COP1: variants seen among roughly 807,000 people sequenced by gnomAD.
COP1 encodes the protein COP1 E3 ubiquitin ligase, also known as E3 ubiquitin-protein ligase COP1.
In COP1, 24 loss-of-function variants were observed where a neutral mutation model predicts 101.3. That is an observed-to-expected ratio of 0.24 (90% CI 0.17 to 0.33). The LOEUF is 0.33. Among genes scored for constraint, COP1 ranks in the 10% least tolerant of loss-of-function variants. The probability of loss-of-function intolerance (pLI) is 1.00; values close to 1 mark genes in which losing one functional copy is unlikely to be tolerated. For synonymous variants in COP1, 347 were observed against 341.9 expected, an observed-to-expected ratio of 1.01 and a Z score of -0.17; for missense variants, 663 against 906.2, an observed-to-expected ratio of 0.73 and a Z score of 3.45.
At chr1:176,070,510 A>C (rs1676797789) in intron 11 of COP1, among the ~76,000 whole-genome samples, 1 of 152,024 alleles carries the variant, frequency 6.6e-6, no homozygotes, top group Non-Finnish European at 1.5e-5. Context: ...AAAAATACAA[A>C]AATCAGCTGG....
chr1:176,207,196 C>T lies in COP1; in HGVS notation c.-218G>A, dbSNP rs1179169665. 7.3e-6 allele frequency: 3 copies of T among 408,678 alleles called. No individual in the cohort carries two copies. Among genetic ancestry groups the T allele is most frequent in the Non-Finnish European group, 1.3e-5 (3 of 234,510 alleles). 25.3% of individuals were successfully genotyped at this position (408,678 alleles called of 1,614,324 possible). A position where few individuals can be genotyped will look rare whatever the true frequency, so the allele number is the denominator to read the frequency against. On this transcript the variant is annotated 5_prime_UTR_variant, in exon 1 of 20. Coordinates refer to ENST00000367669, the MANE Select transcript of COP1 (RefSeq NM_022457.7). The stretch of plus-strand genomic sequence containing the variant: ...GAAACTAAAAAAGCGGAGTAGAAGG[C>T]ACTACCGCTGTCGAGGCCGCCGCCG...
At chr1:176,104,587 A>C (rs1023585717) in intron 9 of COP1, among the ~76,000 whole-genome samples, 1 of 152,166 alleles carries the variant, frequency 6.6e-6, no homozygotes, top group African/African-American at 2.4e-5. Context: ...AAGAAACACA[A>C]AACTATTCTG....
intron 1 of COP1, among the ~76,000 whole-genome samples, chr1:176,189,692 C>T (rs916184314): frequency 6.6e-6 from 1 of 151,072 alleles, no homozygotes; most frequent in Admixed American, 6.6e-5. Context: ...ATACAAAATA[C>T]ATTTATCTTT....
intron 8 of COP1, among the ~76,000 whole-genome samples, chr1:176,126,838 C>T (rs1312228431): frequency 6.6e-6 from 1 of 152,024 alleles, no homozygotes; most frequent in African/African-American, 2.4e-5. Flanking sequence ...TTATCAAGAA[C>T]CCAAGGATAT....
chr1:176,118,348 CTTTTT>C (rs551554905), intron 8 of COP1, among the ~76,000 whole-genome samples: 3 of 148,396 alleles, frequency 2.0e-5, no homozygotes, highest in Non-Finnish European at 3.0e-5. Flanking sequence ...ACACAGCAGT[CTTTTT>C]TTTTTAAGGC....
intron 3 of COP1, among the ~76,000 whole-genome samples, chr1:176,167,117 A>G (rs1349330887): frequency 6.6e-6 from 1 of 152,202 alleles, no homozygotes; most frequent in South Asian, 2.1e-4. Flanking sequence ...CAAGGTATAT[A>G]CACTGGACTC....
chr1:176,118,068 C>T lies in COP1; in HGVS notation c.969-1387G>A, dbSNP rs182629260. Among the ~76,000 whole-genome samples the T allele has an allele frequency of 3.0e-3, 455 of 152,248 alleles. 2 individuals carry two copies. Among genetic ancestry groups the T allele is most frequent in the African/African-American group, 0.01 (428 of 41,546 alleles). ...CAAAGGTTAAAGCATGGGAGGTACT[C>T]TAAGTAGTACACAGTTTGAATTTTA... On this transcript the variant is annotated intron_variant, in intron 8 of 19. Transcript: ENST00000367669.
At chr1:176,014,483 A>G (rs1665265124) in intron 15 of COP1, among the ~76,000 whole-genome samples, 1 of 152,230 alleles carries the variant, frequency 6.6e-6, no homozygotes, top group African/African-American at 2.4e-5. Context: ...ATTACCCTCA[A>G]AACAGGTGGT....
At chr1:175,988,002 A>G (rs1336163523) in intron 17 of COP1, among the ~76,000 whole-genome samples, 1 of 152,218 alleles carries the variant, frequency 6.6e-6, no homozygotes, top group Non-Finnish European at 1.5e-5. Flanking sequence ...CTTCTACACA[A>G]TATCTAAAGA....
intron 11 of COP1, among the ~76,000 whole-genome samples, chr1:176,069,078 C>T (rs1480904239): frequency 3.3e-5 from 5 of 151,832 alleles, no homozygotes; most frequent in African/African-American, 1.2e-4. Flanking sequence ...GTCCTAGCCA[C>T]AGGGGCTGAG....
intron 1 of COP1, among the ~76,000 whole-genome samples, chr1:176,188,764 CCTG>C (rs766991641): frequency 2.0e-5 from 3 of 151,998 alleles, no homozygotes; most frequent in Non-Finnish European, 2.9e-5. Context: ...CCTCCACCAA[CCTG>C]CTATTTCCCC....
At chr1:175,971,902 C>T (rs1339296209) in intron 18 of COP1, among the ~76,000 whole-genome samples, 1 of 152,068 alleles carries the variant, frequency 6.6e-6, no homozygotes, top group Non-Finnish European at 1.5e-5. Flanking sequence ...CCATAGAGAG[C>T]CTCCTGATGT....
chr1:176,037,128 C>T (rs978410473), intron 14 of COP1, among the ~76,000 whole-genome samples: 4 of 152,108 alleles, frequency 2.6e-5, no homozygotes, highest in Non-Finnish European at 4.4e-5. Context: ...ATAGGCCAGG[C>T]GCAGTGGCTC....
rs181586861 is a variant in COP1 at position 176,186,620 on chromosome 1, G to A, written c.408-1928C>T. On this transcript the variant is annotated intron_variant, in intron 1 of 19. Coordinates refer to ENST00000367669, the MANE Select transcript of COP1 (RefSeq NM_022457.7). ...CTTCGGCTTTTAAGTTGAGTAAAAC[G>A]GTAATTCACTGGTGGATTTGGAAAA... Among the ~76,000 whole-genome samples the A allele has an allele frequency of 4.5e-4, 68 of 152,264 alleles. 1 individual carries two copies. The highest frequency in any genetic ancestry group is 1.6e-3 in the African/African-American group (67 of 41,546).
At chr1:176,138,143 T>A (rs1195634926) in intron 6 of COP1, among the ~76,000 whole-genome samples, 1 of 152,032 alleles carries the variant, frequency 6.6e-6, no homozygotes, top group East Asian at 1.9e-4. Flanking sequence ...CAGTGAGGCA[T>A]GACAGAATAA....
In COP1 at chr1:176,162,930, T is replaced by A; in HGVS notation, c.701A>T (p.Asp234Val). The A allele has an allele frequency of 1.2e-6, 2 of 1,609,440 alleles. No homozygotes were observed. The highest frequency in any genetic ancestry group is 1.1e-5 in the South Asian group (1 of 89,742). ...DWLGTDQDNL[D>V]LANVNLMLEL... is the part of the protein sequence containing the mutation. ...CAACATAAGATTGACATTGGCCAAA[T>A]CAAGGTTATCTTGGTCAGTTCCCAA... The change falls in exon 5 of 20, where the codon GAT becomes GTT. Residue 234 changes from aspartate (D) to valine (V), a missense_variant. Asp to Val is a radical substitution (Grantham distance 152). This residue lies in a region of COP1 where 212 missense variants were observed against 240.7 expected (regional missense o/e 0.88). Transcript: ENST00000367669.
intron 9 of COP1, among the ~76,000 whole-genome samples, chr1:176,090,548 A>G (rs958052769): frequency 6.6e-6 from 1 of 152,180 alleles, no homozygotes; most frequent in Non-Finnish European, 1.5e-5. Context: ...ATGATAAACA[A>G]AATATAACAG....
At chr1:176,034,351 C>T (rs1385543359) in intron 14 of COP1, among the ~76,000 whole-genome samples, 2 of 152,110 alleles carry the variant, frequency 1.3e-5, no homozygotes, top group African/African-American at 4.8e-5. Flanking sequence ...CATGGGTGGG[C>T]TTCAGTCACA....
At chr1:176,007,798 T>A (rs910023125) in intron 15 of COP1, among the ~76,000 whole-genome samples, 32 of 152,218 alleles carry the variant, frequency 2.1e-4, no homozygotes, top group Non-Finnish European at 3.2e-4. Flanking sequence ...TGTCTTTTTG[T>A]TTGTGTGTGC....
Sources: allele counts gnomAD v4.1 joint callset (sites outside exome capture counted in the v4.1 genomes callset), GRCh38; gene constraint gnomAD v4.1.1; regional missense constraint gnomAD v4.1.1; transcripts MANE v1.5; gene names NCBI Gene and HGNC (gene_info 2026-07-23, HGNC 2026-07-21).